The following PDE4A variants were observed in gnomAD, a reference collection of about 807,000 sequenced individuals.
PDE4A encodes phosphodiesterase 4A, also known as 3',5'-cyclic-AMP phosphodiesterase 4A.
A neutral mutation model predicts 73.9 loss-of-function variants in PDE4A; 21 were observed. The observed-to-expected ratio is 0.28, with a 90% CI of 0.20 to 0.41. PDE4A has a LOEUF of 0.41. Among genes scored for constraint, PDE4A ranks in the 10% least tolerant of loss-of-function variants. The pLI is 1.00. For synonymous variants in PDE4A, 463 were observed against 505.4 expected (o/e 0.92, Z 1.13); for missense variants, 958 against 1,211.4 (o/e 0.79, Z 3.10).
At chr19:10,416,774 G>A, upstream of PDE4A, 2 of 1,480,576 alleles carry the variant, frequency 1.4e-6, no homozygotes, top group African/African-American at 1.4e-5. Context: ...GTCCGCTGAC[G>A]TCACGCCCCA....
intron 1 of PDE4A, among the ~76,000 whole-genome samples, chr19:10,421,734 G>A (rs902001487): frequency 6.6e-6 from 1 of 152,168 alleles, no homozygotes; most frequent in African/African-American, 2.4e-5. Flanking sequence ...AACAGTGGAG[G>A]GGGGGCGCAG....
chr19:10,425,006 A>G (rs909006808), intron 1 of PDE4A, among the ~76,000 whole-genome samples: 1 of 152,152 alleles, frequency 6.6e-6, no homozygotes, highest in African/African-American at 2.4e-5. Flanking sequence ...CGGATCACGA[A>G]TGAGGTCAGG....
chr19:10,418,601 C>T (rs1023335224), upstream of PDE4A: 4 of 179,906 alleles, frequency 2.2e-5, no homozygotes, highest in South Asian at 3.7e-4. Flanking sequence ...GACTGTCTCT[C>T]GCCCCTGGAG....
intron 4 of PDE4A, among the ~76,000 whole-genome samples, chr19:10,450,200 G>C (rs1031960724): frequency 6.6e-6 from 1 of 152,214 alleles, no homozygotes; most frequent in African/African-American, 2.4e-5. Context: ...ATATTGCCCT[G>C]CGTACATAGG....
chr19:10,417,247 G>A, upstream of PDE4A: 1 of 985,252 alleles, frequency 1.0e-6, no homozygotes, highest in Non-Finnish European at 1.2e-6. Flanking sequence ...GGTGGGAGGG[G>A]GCGCTAGGGG....
In PDE4A at chr19:10,450,648, G is replaced by C. The variant is rs760892156; in HGVS notation, c.666G>C (p.Leu222=). The C allele has an allele frequency of 3.7e-6, 6 of 1,609,498 alleles. No homozygotes were observed. The African/African-American group carries it at 8.0e-5, about 22-fold the overall frequency. Reference sequence around the variant, plus strand: ...CCACCCCTGTCTGCAAGGCCACGCTGTCAGGTAGCTAAGCCCAGAGGGGTG... The same window carrying C: ...CCACCCCTGTCTGCAAGGCCACGCTCTCAGGTAGCTAAGCCCAGAGGGGTG... ...GGPTPVCKAT[L]SEETCQQLAR... The change falls in exon 5 of 15, where the codon CTG becomes CTC. Residue 222 remains leucine (L), a synonymous_variant. Transcript: ENST00000380702.
At chr19:10,455,620 T>C (rs1881267710) in intron 7 of PDE4A, among the ~76,000 whole-genome samples, 1 of 151,458 alleles carries the variant, frequency 6.6e-6, no homozygotes, top group African/African-American at 2.4e-5. Context: ...GGCAATAGAG[T>C]GAGACTCCGT....
rs1324187625 is a variant in PDE4A, at chr19:10,424,237, G to T, written c.320+3153G>T. ...AGGAAGAGGAGGACTTTGGTGGTGGGGGTGGGGAGCTGTCTGAACTGGGGA... is the reference window on the plus strand; with the variant it reads ...AGGAAGAGGAGGACTTTGGTGGTGGTGGTGGGGAGCTGTCTGAACTGGGGA... On this transcript the variant is annotated intron_variant, in intron 1 of 14. Coordinates refer to ENST00000380702, the MANE Select transcript of PDE4A (RefSeq NM_001111307.2). The surrounding 1 kb of genome is among the most constrained non-coding windows in gnomAD (Gnocchi z 4.8). Among the ~76,000 whole-genome samples the T allele has an allele frequency of 6.6e-6, 1 of 152,230 alleles. No homozygotes were observed. Among genetic ancestry groups the T allele is most frequent in the Non-Finnish European group, 1.5e-5 (1 of 68,040 alleles).
At chr19:10,455,365 C>T (rs1599443799) in intron 7 of PDE4A, among the ~76,000 whole-genome samples, 1 of 151,092 alleles carries the variant, frequency 6.6e-6, no homozygotes, top group African/African-American at 2.4e-5. Flanking sequence ...TCAGGAGGCT[C>T]AGGCAGGAGA....
upstream of PDE4A, among the ~76,000 whole-genome samples, chr19:10,419,795 A>C (rs542682756): frequency 6.6e-5 from 10 of 152,356 alleles, no homozygotes; most frequent in Admixed American, 5.2e-4. Context: ...CAAGCGCTTG[A>C]GAACACATTC....
Position 10,424,560 on chromosome 19 carries a change from G to T in PDE4A, c.320+3476G>T, listed in dbSNP as rs550613500. Among the ~76,000 whole-genome samples the T allele has an allele frequency of 7.2e-5, 11 of 152,374 alleles. No homozygotes were observed. The highest frequency in any genetic ancestry group is 3.4e-3 in the Middle Eastern group (1 of 294). On this transcript the variant is annotated intron_variant, in intron 1 of 14. Transcript: ENST00000380702. This position sits in a 1 kb window ranked among gnomAD's most constrained non-coding sequence, Gnocchi z 4.8. Reference sequence around the variant, plus strand: ...CTGCTCCAGGGACGCCGCCAGTCCCGGAGCAAAGCAAAGTCGCCGCCACCG... The same window carrying T: ...CTGCTCCAGGGACGCCGCCAGTCCCTGAGCAAAGCAAAGTCGCCGCCACCG...
At position 10,467,581 on chromosome 19, in the gene PDE4A, C is replaced by T. The variant is rs1017908530; in HGVS notation, c.2621C>T (p.Pro874Leu). ...TTTGGGGAGGACACATCCGCACTCCCAGCTCCTGGTGGCGGGGGGTCAGGT... is the reference window on the plus strand; with the variant it reads ...TTTGGGGAGGACACATCCGCACTCCTAGCTCCTGGTGGCGGGGGGTCAGGT... ...GTFGEDTSAL[P>L]APGGGGSGGD... Residue 874 changes from proline to leucine, a missense_variant, in exon 15 of 15, where the codon CCA becomes CTA. Physicochemically the swap from Pro to Leu is moderately conservative, Grantham distance 98. Around this residue, in one of 3 missense-constraint regions of PDE4A, gnomAD observed 243 missense variants for 245.9 expected, o/e 0.99. Transcript: ENST00000380702. The T allele has an allele frequency of 6.3e-7, 1 of 1,594,326 alleles. No homozygotes were observed. Among genetic ancestry groups the T allele is most frequent in the African/African-American group, 1.3e-5 (1 of 74,542 alleles).
chr19:10,467,264 A>C lies in PDE4A; in HGVS notation c.2304A>C (p.Ala768=), dbSNP rs1175270509. ...QESLEVMAQE[A]SLEAELEAVY... is the part of the protein sequence containing the mutation. ...CGTTGGAAGTTATGGCACAGGAAGCATCCCTGGAGGCCGAGCTGGAGGCAG... is the reference window on the plus strand; with the variant it reads ...CGTTGGAAGTTATGGCACAGGAAGCCTCCCTGGAGGCCGAGCTGGAGGCAG... The change falls in exon 15 of 15, where the codon GCA becomes GCC. Residue 768 remains alanine (A), a synonymous_variant. Coordinates refer to ENST00000380702, the MANE Select transcript of PDE4A (RefSeq NM_001111307.2). 6.2e-7 allele frequency: 1 copy of C among 1,614,168 alleles called. No individual in the cohort carries two copies. The highest frequency in any genetic ancestry group is 8.5e-7 in the Non-Finnish European group (1 of 1,180,028).
intron 1 of PDE4A, among the ~76,000 whole-genome samples, chr19:10,438,048 A>G (rs886811252): frequency 4.6e-5 from 7 of 151,024 alleles, no homozygotes; most frequent in African/African-American, 9.7e-5. Context: ...GGCTCAAGCA[A>G]TCCTCCCGCG....
At chr19:10,427,967 G>T in intron 1 of PDE4A, 3 of 308,918 alleles carry the variant, frequency 9.7e-6, no homozygotes, top group Non-Finnish European at 1.4e-5. Context: ...TTGCACTGCA[G>T]TCTGGGTGAC....
chr19:10,467,030 A>G lies in PDE4A; in HGVS notation c.2070A>G (p.Pro690=). The change falls in exon 15 of 15, where the codon CCA becomes CCG. Residue 690 remains proline (P), a synonymous_variant. Transcript: ENST00000380702. ...YSAIRQSPSP[P]PEEESRGPGH... is the part of the protein sequence containing the mutation. ...CCATCCGGCAGAGCCCATCTCCGCC[A>G]CCCGAGGAGGAGTCAAGGGGGCCAG... 1 of 1,614,124 alleles carries G rather than the reference A, an allele frequency of 6.2e-7. No homozygotes were observed. Among genetic ancestry groups the G allele is most frequent in the South Asian group, 1.1e-5 (1 of 91,086 alleles).
Position 10,463,820 on chromosome 19 carries a change from G to A in PDE4A, c.1771G>A (p.Asp591Asn), listed in dbSNP as rs1308116123. 6 of 1,614,076 alleles carry A rather than the reference G, an allele frequency of 3.7e-6. No homozygotes were observed. The highest frequency in any genetic ancestry group is 1.1e-5 in the South Asian group (1 of 91,076). ...CCTCCGGAACATGGTGCACTGTGCC[G>A]ACCTCAGCAACCCCACCAAGCCGCT... is the stretch of plus-strand genomic sequence containing the variant. ...QVLRNMVHCA[D>N]LSNPTKPLEL... Residue 591 changes from aspartate (D) to asparagine (N), a missense_variant, in exon 14 of 15, where the codon GAC becomes AAC. Physicochemically the swap from Asp to Asn is conservative, Grantham distance 23. Around this residue, in one of 3 missense-constraint regions of PDE4A, gnomAD observed 570 missense variants for 827.7 expected, o/e 0.69. Coordinates refer to ENST00000380702, the MANE Select transcript of PDE4A (RefSeq NM_001111307.2).
chr19:10,438,431 G>A (rs2042894551), intron 1 of PDE4A, among the ~76,000 whole-genome samples: 1 of 151,892 alleles, frequency 6.6e-6, no homozygotes, highest in African/African-American at 2.4e-5. Flanking sequence ...AATGTTCTCA[G>A]ACTGAAACTT....
chr19:10,420,455 G>A, upstream of PDE4A: 2 of 874,710 alleles, frequency 2.3e-6, no homozygotes, highest in Non-Finnish European at 2.7e-6. This position sits in a 1 kb window ranked among gnomAD's most constrained non-coding sequence, Gnocchi z 6.0. Flanking sequence ...CGCGGCGGGC[G>A]GGGGGCGGGG....
Sources: gnomAD v4.1 joint callset for allele counts (sites outside exome capture counted in the v4.1 genomes callset) on GRCh38, gnomAD v4.1.1 for gene constraint, gnomAD v4.1.1 regional missense constraint, Gnocchi (gnomAD v3.1) non-coding constraint, MANE v1.5 for transcripts, NCBI Gene and HGNC (gene_info 2026-07-23, HGNC 2026-07-21) for gene names.